Variants in PEMT observed in about 807,000 individuals in gnomAD.
The protein encoded by PEMT is phospholipid methyltransferase.
A neutral mutation model predicts 27.4 loss-of-function variants in PEMT; 23 were observed. The observed-to-expected ratio is 0.84, with a 90% CI of 0.60 to 1.19. The LOEUF (loss-of-function observed/expected upper bound fraction) is 1.19. PEMT is among the 50% of genes most tolerant of loss of function. PEMT has a pLI of 0.00. For synonymous variants in PEMT, 137 were observed against 139.1 expected, an observed-to-expected ratio of 0.98 and a Z score of 0.11; for missense variants, 307 against 310.1, an observed-to-expected ratio of 0.99 and a Z score of 0.07.
At chr17:17,524,366 T>G (rs577197332) in intron 2 of PEMT, among the ~76,000 whole-genome samples, 70 of 152,310 alleles carry the variant, frequency 4.6e-4, no homozygotes, top group African/African-American at 1.5e-3. Context: ...TTTGCCACAG[T>G]GGCTGCCCCA....
intron 2 of PEMT, among the ~76,000 whole-genome samples, chr17:17,565,669 T>C (rs1242167966): frequency 6.6e-6 from 1 of 152,250 alleles, no homozygotes. Context: ...CCCTGTGGCA[T>C]TGGCCACAAA....
At chr17:17,508,204 G>C (rs904825645) in intron 5 of PEMT, 5 of 152,958 alleles carry the variant, frequency 3.3e-5, no homozygotes, top group African/African-American at 1.2e-4. Context: ...GGACGACCTG[G>C]GTGGGGGGGA....
intron 2 of PEMT, among the ~76,000 whole-genome samples, chr17:17,571,222 G>C (rs1237196007): frequency 2.0e-5 from 3 of 152,058 alleles, no homozygotes; most frequent in African/African-American, 7.2e-5. Context: ...GCAGGTTCTC[G>C]GTGACTATTC....
intron 2 of PEMT, among the ~76,000 whole-genome samples, chr17:17,530,027 G>A (rs1015585320): frequency 2.0e-5 from 3 of 152,200 alleles, no homozygotes; most frequent in African/African-American, 7.2e-5. Flanking sequence ...AGGACATGAA[G>A]AGGGGCTGGG....
chr17:17,545,051 C>T (rs1212514481), intron 2 of PEMT, among the ~76,000 whole-genome samples: 1 of 152,212 alleles, frequency 6.6e-6, no homozygotes. Flanking sequence ...CTCAGCTTCC[C>T]GTGCAGGCGG....
At chr17:17,583,553 C>T (rs561505538) in intron 1 of PEMT, among the ~76,000 whole-genome samples, 1 of 152,320 alleles carries the variant, frequency 6.6e-6, no homozygotes, top group South Asian at 2.1e-4. Flanking sequence ...CACCACCCAC[C>T]GTGAGGGACC....
chr17:17,566,787 T>A (rs1466631685), intron 2 of PEMT, among the ~76,000 whole-genome samples: 1 of 152,174 alleles, frequency 6.6e-6, no homozygotes, highest in African/African-American at 2.4e-5. Context: ...GGGGGGCAGG[T>A]CGCGAACGAA....
intron 5 of PEMT, chr17:17,507,327 G>C (rs929013865): frequency 4.1e-6 from 3 of 736,640 alleles, no homozygotes; most frequent in Non-Finnish European, 7.0e-6. Flanking sequence ...GGCTGCCCCT[G>C]TGCCAAGCTG....
chr17:17,560,158 C>T (rs1910371494), intron 2 of PEMT, among the ~76,000 whole-genome samples: 3 of 152,238 alleles, frequency 2.0e-5, no homozygotes, highest in Non-Finnish European at 4.4e-5. Context: ...ATGGTCAAGG[C>T]AGGCATCGGG....
chr17:17,526,780 C>A (rs2142553763), intron 2 of PEMT, among the ~76,000 whole-genome samples: 1 of 152,350 alleles, frequency 6.6e-6, no homozygotes, highest in East Asian at 1.9e-4. Flanking sequence ...GTGTTCTGGT[C>A]AAACTCATAG....
In PEMT at chr17:17,556,397, G is replaced by A. The variant is rs927736788; in HGVS notation, c.204+20523C>T. ...CTCTCACTTTTTTTTTTTTTTAGAC[G>A]GAGTCTCGCTCTGTCGCCCAAGCCA... On this transcript the variant is annotated intron_variant, in intron 2 of 6. Coordinates refer to ENST00000255389, the MANE Select transcript of PEMT (RefSeq NM_148172.3). Among the ~76,000 whole-genome samples the A allele has an allele frequency of 1.1e-4, 16 of 150,732 alleles. No homozygotes were observed. In the East Asian group the frequency reaches 1.2e-3, roughly 11 times the overall value.
At chr17:17,579,290 C>T (rs1911836015) in intron 1 of PEMT, among the ~76,000 whole-genome samples, 1 of 152,266 alleles carries the variant, frequency 6.6e-6, no homozygotes, top group Admixed American at 6.5e-5. Context: ...GCCTGCCATC[C>T]TTCCCACGTG....
At chr17:17,528,196 T>C (rs1305246483) in intron 2 of PEMT, among the ~76,000 whole-genome samples, 1 of 152,234 alleles carries the variant, frequency 6.6e-6, no homozygotes, top group African/African-American at 2.4e-5. Context: ...AGCTTCCTTC[T>C]GCCTTCCTGC....
Position 17,518,817 on chromosome 17 carries a change from G to A in PEMT, c.320+3463C>T, listed in dbSNP as rs116795734. On this transcript the variant is annotated intron_variant, in intron 3 of 6. Coordinates refer to ENST00000255389, the MANE Select transcript of PEMT (RefSeq NM_148172.3). ...AAGGTCCAGAACAGGCACACTCATGGGGACAGAAAGCAGACGAGTGCTGCC... is the reference window on the plus strand; with the variant it reads ...AAGGTCCAGAACAGGCACACTCATGAGGACAGAAAGCAGACGAGTGCTGCC... Among the ~76,000 whole-genome samples the A allele has an allele frequency of 1.5e-3, 222 of 152,310 alleles. 1 individual carries two copies. Among genetic ancestry groups the A allele is most frequent in the African/African-American group, 4.9e-3 (205 of 41,558 alleles).
intron 2 of PEMT, among the ~76,000 whole-genome samples, chr17:17,544,992 C>T (rs1404293232): frequency 6.6e-6 from 1 of 152,226 alleles, no homozygotes; most frequent in Non-Finnish European, 1.5e-5. Context: ...CCAAGGTGGG[C>T]CCGGGCCCGG....
intron 1 of PEMT, among the ~76,000 whole-genome samples, chr17:17,581,297 C>T (rs1473679181): frequency 6.6e-6 from 1 of 152,174 alleles, no homozygotes; most frequent in Non-Finnish European, 1.5e-5. Flanking sequence ...AACACAGGAC[C>T]TGTCAGTGAG....
chr17:17,545,818 T>C (rs549314861), intron 2 of PEMT, among the ~76,000 whole-genome samples: 1 of 152,336 alleles, frequency 6.6e-6, no homozygotes, highest in Admixed American at 6.5e-5. Flanking sequence ...CAAGGCAGGA[T>C]GTACTGGAAT....
chr17:17,506,358 GC>G, intron 5 of PEMT, 57 bp from the exon 6 acceptor site: 1 of 1,316,552 alleles, frequency 7.6e-7, no homozygotes, highest in Non-Finnish European at 1.1e-6. Context: ...CAGGGCCACG[GC>G]CCACCTGCCC....
intron 3 of PEMT, among the ~76,000 whole-genome samples, chr17:17,517,497 T>A (rs923966064): frequency 6.6e-6 from 1 of 152,174 alleles, no homozygotes; most frequent in African/African-American, 2.4e-5. Flanking sequence ...CCCCGGCCTG[T>A]CCTGACCACA....
Sources: allele counts gnomAD v4.1 joint callset (sites outside exome capture counted in the v4.1 genomes callset), GRCh38; gene constraint gnomAD v4.1.1; transcripts MANE v1.5; gene names NCBI Gene and HGNC (gene_info 2026-07-23, HGNC 2026-07-21).